MALRD1: variants seen among roughly 807,000 people sequenced by gnomAD.
MALRD1 encodes MAM and LDL receptor class A domain containing 1, also known as MAM and LDL-receptor class A domain-containing protein 1.
In MALRD1, 247 loss-of-function variants were observed where a neutral mutation model predicts 242.1. The ratio of observed to expected loss-of-function variants is 1.02; its 90% CI spans 0.92 to 1.13. The LOEUF is 1.13. MALRD1 is among the 50% of genes most tolerant of loss of function. The pLI is 0.00. For missense variants in MALRD1, 2,989 were observed against 2,533.1 expected (o/e 1.18, Z -3.86); for synonymous variants, 995 against 866.6 (o/e 1.15, Z -2.60).
chr10:19,281,826 T>G (rs914952291), intron 20 of MALRD1, among the ~76,000 whole-genome samples: 4 of 151,930 alleles, frequency 2.6e-5, no homozygotes, highest in Admixed American at 2.0e-4. Flanking sequence ...ATACACAAAT[T>G]AGCTGGGTGT....
chr10:19,382,322 A>G (rs938375413), intron 26 of MALRD1, among the ~76,000 whole-genome samples: 1 of 150,186 alleles, frequency 6.7e-6, no homozygotes, highest in Admixed American at 6.7e-5. Context: ...GACATCTGAT[A>G]TTATTTGATA....
intron 2 of MALRD1, among the ~76,000 whole-genome samples, chr10:19,069,752 C>CT (rs113331977): frequency 0.11 from 16,741 of 145,908 alleles, 1,273 homozygotes; most frequent in East Asian, 0.25. Flanking sequence ...TCCACAATTT[C>CT]TTTTTTTTTT....
chr10:19,379,548 G>T (rs1845750970), intron 26 of MALRD1, among the ~76,000 whole-genome samples: 1 of 152,056 alleles, frequency 6.6e-6, no homozygotes, highest in Admixed American at 6.6e-5. Context: ...TGACTCAATG[G>T]TTACTTACAA....
rs571852911 is a variant in MALRD1, at chr10:19,122,537, A to G, written c.695-955A>G. ...GAGGGGCAGGGCATCCTCAGGGCTC[A>G]CCTACAGTGTCTGTAGGTGATTGTA... On this transcript the variant is annotated intron_variant, in intron 5 of 39. Coordinates refer to ENST00000454679, the MANE Select transcript of MALRD1 (RefSeq NM_001142308.3). Among the ~76,000 whole-genome samples the G allele has an allele frequency of 8.7e-4, 132 of 152,198 alleles. 3 individuals are homozygous for G. In the South Asian group the frequency reaches 0.012, roughly 13 times the overall value.
At chr10:19,629,850 CT>C (rs1446865883) in intron 36 of MALRD1, among the ~76,000 whole-genome samples, 19 of 152,308 alleles carry the variant, frequency 1.2e-4, no homozygotes, top group Non-Finnish European at 2.6e-4. Flanking sequence ...GCTTTTCTTC[CT>C]GCTCAGCCAG....
chr10:19,295,318 G>A (rs1289210891), intron 21 of MALRD1, among the ~76,000 whole-genome samples: 2 of 152,014 alleles, frequency 1.3e-5, no homozygotes, highest in Admixed American at 1.3e-4. Flanking sequence ...GTCTTTCTAT[G>A]TGCTTGCCAA....
intron 38 of MALRD1, among the ~76,000 whole-genome samples, chr10:19,713,841 G>A (rs1834254898): frequency 6.6e-6 from 1 of 152,170 alleles, no homozygotes; most frequent in Non-Finnish European, 1.5e-5. Flanking sequence ...ATGAGAAAGG[G>A]ATTCAAAAGC....
intron 28 of MALRD1, among the ~76,000 whole-genome samples, chr10:19,422,739 C>G (rs1046766937): frequency 6.6e-6 from 1 of 152,128 alleles, no homozygotes; most frequent in Non-Finnish European, 1.5e-5. Context: ...TTTATTTTGT[C>G]TGAGTTTTCA....
intron 24 of MALRD1, among the ~76,000 whole-genome samples, chr10:19,342,267 C>T (rs188917567): frequency 5.9e-4 from 90 of 152,164 alleles, no homozygotes; most frequent in Non-Finnish European, 1.1e-3. Flanking sequence ...AACGACTGAC[C>T]TGCGTCATTA....
chr10:19,331,508 G>C lies in MALRD1; in HGVS notation c.3827G>C (p.Cys1276Ser). 1 of 1,550,400 alleles carries C rather than the reference G, an allele frequency of 6.4e-7. No individual in the cohort carries two copies. The highest frequency in any genetic ancestry group is 8.7e-7 in the Non-Finnish European group (1 of 1,146,834). The change falls in exon 24 of 40, where the codon TGC becomes TCC. Residue 1276 changes from cysteine to serine, a missense_variant. By Grantham distance (112) the Cys-to-Ser change is moderately radical. Coordinates refer to ENST00000454679, the MANE Select transcript of MALRD1 (RefSeq NM_001142308.3). ...DHEFMCANKH[C>S]IAKDKLCDFV... ...GAATTCATGTGTGCTAATAAGCACT[G>C]CATTGCCAAAGACAAGCTGTGTGAT...
chr10:19,640,605 A>G (rs1328362367), intron 36 of MALRD1, among the ~76,000 whole-genome samples: 1 of 152,164 alleles, frequency 6.6e-6, no homozygotes, highest in African/African-American at 2.4e-5. Context: ...TATATAAGAT[A>G]TTTTATGGAG....
At chr10:19,397,513 A>G (rs1846635454) in intron 28 of MALRD1, among the ~76,000 whole-genome samples, 1 of 152,072 alleles carries the variant, frequency 6.6e-6, no homozygotes, top group Non-Finnish European at 1.5e-5. Context: ...TTGATTGCAT[A>G]TCTTGGCTAT....
At chr10:19,652,583 T>C (rs1169508807) in intron 36 of MALRD1, among the ~76,000 whole-genome samples, 1 of 152,138 alleles carries the variant, frequency 6.6e-6, no homozygotes, top group Non-Finnish European at 1.5e-5. Context: ...GTGAACCAAG[T>C]GTGGGTCAGT....
At chr10:19,351,384 T>C (rs1047372636) in intron 25 of MALRD1, among the ~76,000 whole-genome samples, 2 of 152,174 alleles carry the variant, frequency 1.3e-5, no homozygotes, top group African/African-American at 2.4e-5. Context: ...GAAAATACTT[T>C]TTATTAATTT....
intron 28 of MALRD1, among the ~76,000 whole-genome samples, chr10:19,401,048 A>C: frequency 6.6e-6 from 1 of 152,058 alleles, no homozygotes; most frequent in East Asian, 1.9e-4. Flanking sequence ...AAGAAGAAGA[A>C]AGAAAGGAGA....
chr10:19,344,442 T>G (rs368685659), intron 24 of MALRD1, among the ~76,000 whole-genome samples: 19 of 152,192 alleles, frequency 1.2e-4, no homozygotes, highest in African/African-American at 4.3e-4. Flanking sequence ...TTTGTACCTT[T>G]GTCAAAAATT....
chr10:19,475,450 T>C (rs1476516058), intron 29 of MALRD1, among the ~76,000 whole-genome samples: 1 of 152,174 alleles, frequency 6.6e-6, no homozygotes, highest in African/African-American at 2.4e-5. Flanking sequence ...TTAAATTTTC[T>C]TTTTTGTAGC....
chr10:19,686,945 G>T (rs1842606836), intron 36 of MALRD1, among the ~76,000 whole-genome samples: 1 of 151,756 alleles, frequency 6.6e-6, no homozygotes, highest in African/African-American at 2.4e-5. Context: ...CCCCATAAAA[G>T]CTCAAAATAC....
intron 12 of MALRD1, among the ~76,000 whole-genome samples, chr10:19,160,996 T>C (rs1207941807): frequency 6.6e-6 from 1 of 151,768 alleles, no homozygotes; most frequent in East Asian, 1.9e-4. Context: ...AGCCATCCCA[T>C]TACTGGGTAT....
Sources: gnomAD v4.1 joint callset for allele counts (sites outside exome capture counted in the v4.1 genomes callset) on GRCh38, gnomAD v4.1.1 for gene constraint, MANE v1.5 for transcripts, NCBI Gene and HGNC (gene_info 2026-07-23, HGNC 2026-07-21) for gene names.